The following CCDC73 variants were observed in gnomAD, a reference collection of about 807,000 sequenced individuals.
CCDC73 encodes coiled-coil domain-containing protein 73.
In CCDC73, 95 loss-of-function variants were observed where a neutral mutation model predicts 116.5. That is an observed-to-expected ratio of 0.82 (90% CI 0.69 to 0.97). The LOEUF (loss-of-function observed/expected upper bound fraction) is 0.97. Ranked by LOEUF, CCDC73 falls within the 50% of genes least tolerant of loss-of-function variation. CCDC73 has a pLI of 0.00. For missense variants in CCDC73, 1,066 were observed against 1,206.8 expected, an observed-to-expected ratio of 0.88 and a Z score of 1.73; for synonymous variants, 398 against 401.3, an observed-to-expected ratio of 0.99 and a Z score of 0.10.
At chr11:32,686,632 T>C (rs1856204563) in intron 6 of CCDC73, among the ~76,000 whole-genome samples, 1 of 152,114 alleles carries the variant, frequency 6.6e-6, no homozygotes, top group Non-Finnish European at 1.5e-5. Context: ...TAAAACTACA[T>C]CTAGAGCAAA....
chr11:32,820,087 A>T, the CCDC73 span, among the ~76,000 whole-genome samples: 1 of 152,178 alleles, frequency 6.6e-6, no homozygotes, highest in African/African-American at 2.4e-5. Context: ...AAGTCATTTG[A>T]AAGTAGAGGG....
At chr11:32,690,520 T>A (rs963516951) in intron 6 of CCDC73, among the ~76,000 whole-genome samples, 2 of 151,950 alleles carry the variant, frequency 1.3e-5, no homozygotes, top group Non-Finnish European at 2.9e-5. Flanking sequence ...TGGTGGGAGG[T>A]GACTGGATAA....
intron 1 of CCDC73, among the ~76,000 whole-genome samples, chr11:32,780,964 T>A (rs945781242): frequency 2.6e-5 from 4 of 152,112 alleles, no homozygotes; most frequent in African/African-American, 7.2e-5. Flanking sequence ...CAAGACCCCA[T>A]CTCTACAAAA....
intron 7 of CCDC73, among the ~76,000 whole-genome samples, chr11:32,677,494 A>G (rs1856099454): frequency 6.6e-6 from 1 of 152,144 alleles, no homozygotes; most frequent in African/African-American, 2.4e-5. Flanking sequence ...ATCTGAACTG[A>G]TATGAGACCT....
chr11:32,824,430 T>TTTAG, the CCDC73 span, among the ~76,000 whole-genome samples: 1 of 152,132 alleles, frequency 6.6e-6, no homozygotes, highest in Non-Finnish European at 1.5e-5. Flanking sequence ...TAAATAGAAT[T>TTTAG]TTAGAACAGG....
intron 1 of CCDC73, among the ~76,000 whole-genome samples, chr11:32,769,101 T>C (rs576893441): frequency 3.9e-4 from 60 of 152,312 alleles, no homozygotes; most frequent in Non-Finnish European, 6.6e-4. Context: ...AACTCCCAGA[T>C]ACCATCAGTG....
upstream of CCDC73, among the ~76,000 whole-genome samples, chr11:32,798,922 G>GA (rs934570810): frequency 4.0e-5 from 6 of 150,026 alleles, no homozygotes; most frequent in Non-Finnish European, 8.9e-5. Context: ...TTTTGGGGGG[G>GA]GGCGTTGAGA....
At chr11:32,794,034 T>C (rs960389) in intron 1 of CCDC73, among the ~76,000 whole-genome samples, 87,134 of 151,856 alleles carry the variant, frequency 0.57, 25,380 homozygotes, top group East Asian at 0.84. Context: ...ACCAGCAGAA[T>C]GAAGAAAAAA....
chr11:32,638,650 T>A (rs1219316895), intron 13 of CCDC73, among the ~76,000 whole-genome samples: 1 of 152,018 alleles, frequency 6.6e-6, no homozygotes, highest in African/African-American at 2.4e-5. Flanking sequence ...GGCTAATTTT[T>A]GTATTGTTAG....
chr11:32,742,141 C>T (rs1850193460), intron 2 of CCDC73, among the ~76,000 whole-genome samples: 2 of 152,104 alleles, frequency 1.3e-5, no homozygotes, highest in Admixed American at 6.5e-5. Flanking sequence ...GTCTTTACAG[C>T]AGCATGATTT....
In CCDC73 at chr11:32,734,621, T is replaced by C. The variant is rs535569897; in HGVS notation, c.136-16474A>G. ...GGTACTTGAGATTAGGGAGTGGTGATGACTCTTAAGGAGCATGCTGCCTTC... is the reference window on the plus strand; with the variant it reads ...GGTACTTGAGATTAGGGAGTGGTGACGACTCTTAAGGAGCATGCTGCCTTC... On this transcript the variant is annotated intron_variant, in intron 2 of 17. Transcript: ENST00000335185. 2.0e-5 allele frequency among the ~76,000 whole-genome samples: 3 copies of C among 152,134 alleles called. No homozygotes were observed. In the South Asian group the frequency reaches 6.2e-4, roughly 32 times the overall value.
chr11:32,758,314 C>A, intron 2 of CCDC73: 3 of 500,522 alleles, frequency 6.0e-6, no homozygotes, highest in South Asian at 4.3e-5. Flanking sequence ...TACAATACAG[C>A]CTCTAACAAA....
chr11:32,669,942 T>G (rs1332525036), intron 9 of CCDC73, among the ~76,000 whole-genome samples: 1 of 152,238 alleles, frequency 6.6e-6, no homozygotes, highest in Non-Finnish European at 1.5e-5. Flanking sequence ...CAGATATCTC[T>G]TCAATATACT....
chr11:32,617,694 G>A (rs745498549), intron 14 of CCDC73, among the ~76,000 whole-genome samples: 20 of 152,268 alleles, frequency 1.3e-4, no homozygotes, highest in African/African-American at 4.1e-4. Flanking sequence ...ATTGACTTCC[G>A]TAGTTCAGAT....
intron 10 of CCDC73, among the ~76,000 whole-genome samples, chr11:32,654,503 A>G (rs1037675893): frequency 6.6e-6 from 1 of 152,210 alleles, no homozygotes; most frequent in Non-Finnish European, 1.5e-5. Context: ...TGTGGTTTAA[A>G]CAGTGACTTC....
At chr11:32,660,160 G>C (rs980101179) in intron 9 of CCDC73, among the ~76,000 whole-genome samples, 5 of 148,202 alleles carry the variant, frequency 3.4e-5, no homozygotes, top group African/African-American at 1.2e-4. Flanking sequence ...AGTGAGGCAA[G>C]GTGGAAAATC....
rs1288079565 is a variant in CCDC73 at position 32,653,138 on chromosome 11, T to C, written c.924A>G (p.Leu308=). The change falls in exon 12 of 18, where the codon CTA becomes CTG. Residue 308 remains leucine, a synonymous_variant. Coordinates refer to ENST00000335185, the MANE Select transcript of CCDC73 (RefSeq NM_001008391.4). ...TAGAACGAACCTGATTATTTTCTTT[T>C]AGCACCTTCAATTCTGCCTCCATTT... ...NTEMEAELKV[L]KENNQTLERD... is the part of the protein sequence containing the mutation. The C allele has an allele frequency of 6.2e-7, 1 of 1,607,378 alleles. No homozygotes were observed. The highest frequency in any genetic ancestry group is 1.1e-5 in the South Asian group (1 of 90,450).
At chr11:32,671,898 A>G (rs1856042393) in intron 9 of CCDC73, among the ~76,000 whole-genome samples, 1 of 152,218 alleles carries the variant, frequency 6.6e-6, no homozygotes, top group Non-Finnish European at 1.5e-5. Context: ...CCAAGACCTG[A>G]GAGAAAGAGG....
chr11:32,745,646 AT>A (rs1850229290), intron 2 of CCDC73, among the ~76,000 whole-genome samples: 1 of 150,902 alleles, frequency 6.6e-6, no homozygotes, highest in Non-Finnish European at 1.5e-5. Flanking sequence ...TCCCTTTACC[AT>A]TATGTAATGG....
Sources: allele counts gnomAD v4.1 joint callset (sites outside exome capture counted in the v4.1 genomes callset), GRCh38; gene constraint gnomAD v4.1.1; transcripts MANE v1.5; gene names NCBI Gene and HGNC (gene_info 2026-07-23, HGNC 2026-07-21).